ZNF592: variants seen among roughly 807,000 people sequenced by gnomAD.
ZNF592 encodes the protein zinc finger protein 592, also known as spinocerebellar ataxia, autosomal recessive 5.
In ZNF592, 11 loss-of-function variants were observed where a neutral mutation model predicts 80.3. The ratio of observed to expected loss-of-function variants is 0.14; its 90% CI spans 0.09 to 0.23. The LOEUF (loss-of-function observed/expected upper bound fraction) is 0.23, where lower values mean the gene tolerates loss of function less well. ZNF592 is among the 10% of genes least tolerant of loss of function. ZNF592 has a pLI of 1.00. For missense variants in ZNF592, 1,420 were observed against 1,633.9 expected (o/e 0.87, Z 2.26); for synonymous variants, 646 against 640.3 (o/e 1.01, Z -0.13).
rs1458096740 is a variant in ZNF592 at position 84,798,616 on chromosome 15, A to T, written c.2765A>T (p.Asp922Val). Residue 922 changes from aspartate (D) to valine (V), a missense_variant, in exon 8 of 11, where the codon GAC (aspartate) becomes GTC (valine). Physicochemically the swap from Asp to Val is radical, Grantham distance 152. Around this residue, in one of 7 missense-constraint regions of ZNF592, gnomAD observed 331 missense variants for 347.0 expected, o/e 0.95. Coordinates refer to ENST00000560079, the MANE Select transcript of ZNF592 (RefSeq NM_014630.3). The surrounding 1 kb of genome is among the most constrained non-coding windows in gnomAD (Gnocchi z 4.5). ...KSTHGVPRNV[D>V]ELSSLQSSAD... ...ACCCACGGTGTTCCCCGAAATGTGGACGAGCTGTCAAGCCTCCAGTCTTCA... is the reference window on the plus strand; with the variant it reads ...ACCCACGGTGTTCCCCGAAATGTGGTCGAGCTGTCAAGCCTCCAGTCTTCA... 2 of 1,613,892 alleles carry T rather than the reference A, an allele frequency of 1.2e-6. No individual in the cohort carries two copies. The highest frequency in any genetic ancestry group is 1.7e-5 in the Admixed American group (1 of 60,008).
Position 84,783,632 on chromosome 15 carries a change from T to G in ZNF592, c.957T>G (p.Ser319=), listed in dbSNP as rs1473792440. ...KDLSGPTKES[S]KGSPKMPKSP... is the part of the protein sequence containing the mutation. ...TCTCAGGGCCCACTAAAGAGAGTTC[T>G]AAAGGTAGCCCCAAAATGCCCAAGT... Residue 319 remains serine, a synonymous_variant, in exon 4 of 11, where the codon TCT becomes TCG. Transcript: ENST00000560079. The surrounding 1 kb of genome is among the most constrained non-coding windows in gnomAD (Gnocchi z 5.0). The G allele has an allele frequency of 6.2e-7, 1 of 1,614,064 alleles. No individual in the cohort carries two copies. The highest frequency in any genetic ancestry group is 1.7e-5 in the Admixed American group (1 of 60,010).
At chr15:84,766,500 T>TA (rs775889219) in intron 2 of ZNF592, among the ~76,000 whole-genome samples, 69 of 152,046 alleles carry the variant, frequency 4.5e-4, no homozygotes, top group South Asian at 8.3e-4. Flanking sequence ...CCCTCAGGTC[T>TA]GAGCAGTCAT....
At chr15:84,773,671 T>C (rs1962156653) in intron 2 of ZNF592, among the ~76,000 whole-genome samples, 1 of 152,150 alleles carries the variant, frequency 6.6e-6, no homozygotes, top group Non-Finnish European at 1.5e-5. Flanking sequence ...CTCTCTAGTA[T>C]TATGAGGTTT....
In ZNF592 at chr15:84,784,710, T is replaced by C; in HGVS notation, c.2035T>C (p.Ser679Pro). The C allele has an allele frequency of 1.2e-6, 2 of 1,614,048 alleles. No homozygotes were observed. Among genetic ancestry groups the C allele is most frequent in the Non-Finnish European group, 1.7e-6 (2 of 1,180,018 alleles). Residue 679 changes from serine (S) to proline (P), a missense_variant, in exon 4 of 11, where the codon TCC (serine) becomes CCC (proline). Around this residue, in one of 7 missense-constraint regions of ZNF592, gnomAD observed 524 missense variants for 628.3 expected, o/e 0.83. Coordinates refer to ENST00000560079, the MANE Select transcript of ZNF592 (RefSeq NM_014630.3). This position sits in a 1 kb window ranked among gnomAD's most constrained non-coding sequence, Gnocchi z 5.8. ...GGCACCAGCAGCCCCAGCCCCTTCA[T>C]CCTCTCCCAAACATGGCCTCACTTC... ...STAPAAPAPS[S>P]SPKHGLTSGS... is the part of the protein sequence containing the mutation.
chr15:84,764,492 A>G (rs1899441747), intron 1 of ZNF592, among the ~76,000 whole-genome samples: 1 of 152,186 alleles, frequency 6.6e-6, no homozygotes, highest in Non-Finnish European at 1.5e-5. Flanking sequence ...CTGAAGCACC[A>G]GCCTGTAATA....
At chr15:84,793,503 C>T (rs1962808900) in intron 5 of ZNF592, among the ~76,000 whole-genome samples, 1 of 152,156 alleles carries the variant, frequency 6.6e-6, no homozygotes, top group Non-Finnish European at 1.5e-5. Context: ...TAAGGAATGC[C>T]AGACCAAATG....
rs184435416 is a variant in ZNF592, at chr15:84,785,797, C to T, written c.2220+902C>T. On this transcript the variant is annotated intron_variant, in intron 4 of 10. Transcript: ENST00000560079. ...CCTCCTTCTTTCAACTGCGTTCTCA[C>T]CACTCCAGGAAAGCAACTGTGCTTG... 7.9e-5 allele frequency among the ~76,000 whole-genome samples: 12 copies of T among 152,024 alleles called. No homozygotes were observed. The East Asian group carries it at 2.3e-3, about 29-fold the overall frequency.
Position 84,784,418 on chromosome 15 carries a change from C to T in ZNF592, c.1743C>T (p.His581=), listed in dbSNP as rs1962524736. The T allele has an allele frequency of 5.6e-6, 9 of 1,614,220 alleles. No individual in the cohort carries two copies. The highest frequency in any genetic ancestry group is 2.2e-5 in the East Asian group (1 of 44,886). The change falls in exon 4 of 11, where the codon CAC becomes CAT. Residue 581 remains histidine, a synonymous_variant. Coordinates refer to ENST00000560079, the MANE Select transcript of ZNF592 (RefSeq NM_014630.3). The surrounding 1 kb of genome is among the most constrained non-coding windows in gnomAD (Gnocchi z 5.8). Reference sequence around the variant, plus strand: ...GCCCGCCTGCGGACAGCAGGATCCACGTGCCGGCCAGTGGGTACTGCTGCC... The same window carrying T: ...GCCCGCCTGCGGACAGCAGGATCCATGTGCCGGCCAGTGGGTACTGCTGCC... The part of the protein sequence containing the change: ...NLSPPADSRI[H]VPASGYCCLE...
rs763096664 is a variant in ZNF592, at chr15:84,799,348, C to T, written c.3137+138C>T. On this transcript the variant is annotated intron_variant, in intron 9 of 10. Coordinates refer to ENST00000560079, the MANE Select transcript of ZNF592 (RefSeq NM_014630.3). The surrounding 1 kb of genome is among the most constrained non-coding windows in gnomAD (Gnocchi z 4.2). ...GATTTCCAACTGGAAGAAATTGCGG[C>T]TAAGTCAGAAATCAGGGGCAGGTCA... 1.7e-4 allele frequency: 165 copies of T among 961,244 alleles called. No individual in the cohort carries two copies. Among genetic ancestry groups the T allele is most frequent in the Non-Finnish European group, 2.3e-4 (143 of 609,496 alleles). 59.5% of individuals were successfully genotyped at this position (961,244 alleles called of 1,614,324 possible). A position where few individuals can be genotyped will look rare whatever the true frequency, so the allele number is the denominator to read the frequency against.
Position 84,799,034 on chromosome 15 carries a change from G to T in ZNF592, c.3025-64G>T. On this transcript the variant is annotated intron_variant, in intron 8 of 10. Transcript: ENST00000560079. The surrounding 1 kb of genome is among the most constrained non-coding windows in gnomAD (Gnocchi z 4.2). ...CCTTTCTGCCCATGGCATCTGAGAA[G>T]AAAAATGCACCCAGAACTATCTTAC... The T allele has an allele frequency of 1.2e-6, 2 of 1,606,726 alleles. No individual in the cohort carries two copies. Among genetic ancestry groups the T allele is most frequent in the Non-Finnish European group, 1.7e-6 (2 of 1,173,314 alleles).
rs764650510 is a variant in ZNF592 at position 84,764,729 on chromosome 15, T to C, written c.-236T>C. ...TAGGTGGTGTTTGGACTCTAGACCA[T>C]GTGCCTAGGTAGAAGTTTTTCCTTT... On this transcript the variant is annotated 5_prime_UTR_variant, in exon 2 of 11. The change abolishes an upstream ATG in the 5' untranslated region. Transcript: ENST00000560079. 2.5e-6 allele frequency: 1 copy of C among 399,036 alleles called. No individual in the cohort carries two copies. The highest frequency in any genetic ancestry group is 4.4e-5 in the Admixed American group (1 of 22,720). The allele number at this position is 399,036 out of a possible 1,614,324, so 24.7% of individuals were successfully genotyped here.
At chr15:84,760,473 G>C (rs961711201) in intron 1 of ZNF592, among the ~76,000 whole-genome samples, 8 of 152,172 alleles carry the variant, frequency 5.3e-5, no homozygotes, top group Admixed American at 2.0e-4. Flanking sequence ...CTGTATGTCT[G>C]TCTCCTTCCA....
intron 4 of ZNF592, among the ~76,000 whole-genome samples, chr15:84,785,326 T>C (rs1962559600): frequency 2.0e-5 from 3 of 151,982 alleles, no homozygotes; most frequent in Admixed American, 2.0e-4. Flanking sequence ...TTTTTTTTTT[T>C]CTTGAGACGG....
At chr15:84,757,464 G>T (rs759083778) in intron 1 of ZNF592, among the ~76,000 whole-genome samples, 9 of 151,454 alleles carry the variant, frequency 5.9e-5, no homozygotes, top group Non-Finnish European at 1.2e-4. Flanking sequence ...TTACACCTCA[G>T]CCTCCAGAGT....
rs758327318 is a variant in ZNF592, at chr15:84,784,913, G to A, written c.2220+18G>A. ...AGGGGCTGGTAAGCAGACCCTCACTGTTACGGGTATCGGGCCCCTGGCTCA... is the reference window on the plus strand; with the variant it reads ...AGGGGCTGGTAAGCAGACCCTCACTATTACGGGTATCGGGCCCCTGGCTCA... On this transcript the variant is annotated intron_variant, in intron 4 of 10. Coordinates refer to ENST00000560079, the MANE Select transcript of ZNF592 (RefSeq NM_014630.3). The surrounding 1 kb of genome is among the most constrained non-coding windows in gnomAD (Gnocchi z 5.8). 8.1e-6 allele frequency: 13 copies of A among 1,613,890 alleles called. No homozygotes were observed. The highest frequency in any genetic ancestry group is 6.6e-5 in the South Asian group (6 of 91,006).
In ZNF592 at chr15:84,784,420, T is replaced by C; in HGVS notation, c.1745T>C (p.Val582Ala). 1 of 1,614,196 alleles carries C rather than the reference T, an allele frequency of 6.2e-7. No individual in the cohort carries two copies. The highest frequency in any genetic ancestry group is 8.5e-7 in the Non-Finnish European group (1 of 1,180,038). The change falls in exon 4 of 11, where the codon GTG (valine) becomes GCG (alanine). Residue 582 changes from valine to alanine, a missense_variant. Physicochemically the swap from Val to Ala is moderately conservative, Grantham distance 64. Transcript: ENST00000560079. The surrounding 1 kb of genome is among the most constrained non-coding windows in gnomAD (Gnocchi z 5.8). ...LSPPADSRIH[V>A]PASGYCCLEC... ...CCGCCTGCGGACAGCAGGATCCACG[T>C]GCCGGCCAGTGGGTACTGCTGCCTG... is the stretch of plus-strand genomic sequence containing the variant.
chr15:84,765,821 C>T (rs1899499355), intron 2 of ZNF592, among the ~76,000 whole-genome samples: 1 of 151,956 alleles, frequency 6.6e-6, no homozygotes. Context: ...CAGGCATGAG[C>T]CACCGCACCC....
chr15:84,769,167 C>T (rs1156963524), intron 2 of ZNF592, among the ~76,000 whole-genome samples: 14 of 152,094 alleles, frequency 9.2e-5, no homozygotes, highest in Non-Finnish European at 1.9e-4. Flanking sequence ...TCTTGAACTC[C>T]TGACCTCAGG....
rs1963168823 is a variant in ZNF592, at chr15:84,803,821, C to T, written c.*1428C>T. 6.6e-6 allele frequency: 1 copy of T among 152,190 alleles called. No homozygotes were observed. Among genetic ancestry groups the T allele is most frequent in the African/African-American group, 2.4e-5 (1 of 41,430 alleles). The allele number at this position is 152,190 out of a possible 1,614,324, so 9.4% of individuals were successfully genotyped here. On this transcript the variant is annotated 3_prime_UTR_variant, in exon 11 of 11. Coordinates refer to ENST00000560079, the MANE Select transcript of ZNF592 (RefSeq NM_014630.3). Reference sequence around the variant, plus strand: ...CACTGATGGTGGAGTCAGGGCCCACCCAAGCACGAGGAGCAGGCTGTGTGG... The same window carrying T: ...CACTGATGGTGGAGTCAGGGCCCACTCAAGCACGAGGAGCAGGCTGTGTGG...
Sources: gnomAD v4.1 joint callset for allele counts (sites outside exome capture counted in the v4.1 genomes callset) on GRCh38, gnomAD v4.1.1 for gene constraint, gnomAD v4.1.1 regional missense constraint, Gnocchi (gnomAD v3.1) non-coding constraint, MANE v1.5 for transcripts, NCBI Gene and HGNC (gene_info 2026-07-23, HGNC 2026-07-21) for gene names.